Variants in TSPAN15 observed in about 807,000 individuals in gnomAD.
TSPAN15 encodes tetraspanin 15, also known as tetraspanin-15.
TSPAN15 carries 20 observed loss-of-function variants against 34.5 expected under a neutral mutation model. That is an observed-to-expected ratio of 0.58 (90% CI 0.41 to 0.84). TSPAN15 has a LOEUF of 0.84. Among genes scored for constraint, TSPAN15 ranks in the 40% least tolerant of loss-of-function variants. The pLI is 0.00. For synonymous variants in TSPAN15, 155 were observed against 153.9 expected (o/e 1.01, Z -0.05); for missense variants, 313 against 386.1 (o/e 0.81, Z 1.59).
chr10:69,479,123 C>T (rs1419161663), intron 1 of TSPAN15, among the ~76,000 whole-genome samples: 8 of 152,210 alleles, frequency 5.3e-5, no homozygotes, highest in African/African-American at 9.7e-5. Context: ...GCCTATAGAA[C>T]GTAATACAGG....
At chr10:69,466,622 T>C (rs10823390) in intron 1 of TSPAN15, among the ~76,000 whole-genome samples, 60,612 of 152,012 alleles carry the variant, frequency 0.4, 12,593 homozygotes, top group Non-Finnish European at 0.45. Flanking sequence ...CTGGCCAACC[T>C]GACCACGTGG....
At chr10:69,539,991 G>C in the TSPAN15 span, among the ~76,000 whole-genome samples, 31 of 150,622 alleles carry the variant, frequency 2.1e-4, no homozygotes, top group Non-Finnish European at 1.6e-4. Flanking sequence ...GAGTCTCACT[G>C]TCACCCAGGC....
At chr10:69,480,825 G>C (rs1040220918) in intron 1 of TSPAN15, among the ~76,000 whole-genome samples, 1 of 152,158 alleles carries the variant, frequency 6.6e-6, no homozygotes, top group Admixed American at 6.5e-5. Flanking sequence ...AGCTTCCCAA[G>C]TAGCTGGGAT....
chr10:69,513,183 T>C, the TSPAN15 span, among the ~76,000 whole-genome samples: 1 of 152,224 alleles, frequency 6.6e-6, no homozygotes, highest in Non-Finnish European at 1.5e-5. Flanking sequence ...AATAATCATG[T>C]TGAGTACTTT....
chr10:69,471,220 G>C (rs1841498029), intron 1 of TSPAN15, among the ~76,000 whole-genome samples: 1 of 151,772 alleles, frequency 6.6e-6, no homozygotes, highest in Non-Finnish European at 1.5e-5. Flanking sequence ...TCTTAAAATA[G>C]TAGCTCCCAA....
chr10:69,502,783 AGTTGCCTGT>A (rs1842237699), intron 5 of TSPAN15, among the ~76,000 whole-genome samples: 1 of 152,120 alleles, frequency 6.6e-6, no homozygotes, highest in African/African-American at 2.4e-5. Context: ...GGCCTCTGCC[AGTTGCCTGT>A]GTGCTAAGAG....
intron 5 of TSPAN15, among the ~76,000 whole-genome samples, chr10:69,503,668 G>A (rs7078095): frequency 0.061 from 9,220 of 152,128 alleles, 345 homozygotes; most frequent in South Asian, 0.13. Flanking sequence ...TCACGGCAGC[G>A]TTCACTTACA....
At chr10:69,519,033 G>A in the TSPAN15 span, among the ~76,000 whole-genome samples, 2 of 152,218 alleles carry the variant, frequency 1.3e-5, no homozygotes, top group African/African-American at 4.8e-5. Flanking sequence ...GCTTCTGCGT[G>A]GAATAGTATA....
intron 1 of TSPAN15, among the ~76,000 whole-genome samples, chr10:69,474,958 C>T (rs545123788): frequency 3.3e-5 from 5 of 152,206 alleles, no homozygotes; most frequent in South Asian, 4.2e-4. Context: ...GGGGCCTGGC[C>T]GGAGGTCCAC....
At chr10:69,486,342 C>T (rs755850312) in intron 3 of TSPAN15, among the ~76,000 whole-genome samples, 2 of 152,210 alleles carry the variant, frequency 1.3e-5, no homozygotes, top group Non-Finnish European at 2.9e-5. Context: ...GGCCTGTACC[C>T]CTCCCTACCC....
the TSPAN15 span, among the ~76,000 whole-genome samples, chr10:69,526,591 C>T: frequency 0.14 from 20,137 of 147,248 alleles, 3,238 homozygotes; most frequent in East Asian, 0.25. Flanking sequence ...CCCAGGAATT[C>T]GAGACCAGCA....
intron 3 of TSPAN15, among the ~76,000 whole-genome samples, chr10:69,492,515 A>G (rs568287936): frequency 3.9e-5 from 6 of 152,298 alleles, no homozygotes; most frequent in African/African-American, 1.4e-4. Flanking sequence ...CTGTCCATGA[A>G]GCCCAGGGAC....
chr10:69,535,363 A>G, the TSPAN15 span, among the ~76,000 whole-genome samples: 1 of 152,188 alleles, frequency 6.6e-6, no homozygotes, highest in East Asian at 1.9e-4. Context: ...CAATGAGGGT[A>G]ATAATTATAA....
the TSPAN15 span, among the ~76,000 whole-genome samples, chr10:69,546,918 A>G: frequency 6.6e-6 from 1 of 152,150 alleles, no homozygotes; most frequent in Non-Finnish European, 1.5e-5. Flanking sequence ...CTGAGGCAGG[A>G]GGATCACATG....
At chr10:69,454,056 C>T (rs1312374231) in intron 1 of TSPAN15, among the ~76,000 whole-genome samples, 5 of 152,146 alleles carry the variant, frequency 3.3e-5, no homozygotes, top group Non-Finnish European at 7.3e-5. Flanking sequence ...TACAGGAAAG[C>T]CTATTATCTC....
chr10:69,504,823 C>T (rs1314751704), intron 6 of TSPAN15, among the ~76,000 whole-genome samples: 2 of 152,178 alleles, frequency 1.3e-5, no homozygotes, highest in East Asian at 3.9e-4. Context: ...CCTGGGGCCA[C>T]CTGGGACCCA....
intron 1 of TSPAN15, among the ~76,000 whole-genome samples, chr10:69,454,539 A>G (rs982162759): frequency 1.3e-5 from 2 of 151,868 alleles, no homozygotes; most frequent in African/African-American, 2.4e-5. Flanking sequence ...ACTATTGACC[A>G]GGCATTGTGG....
chr10:69,508,151 A>C (rs1334782973), downstream of TSPAN15, among the ~76,000 whole-genome samples: 1 of 152,128 alleles, frequency 6.6e-6, no homozygotes, highest in Non-Finnish European at 1.5e-5. Context: ...AATAGAAATA[A>C]AGTAGCAAGA....
In TSPAN15 at chr10:69,494,674, C is replaced by T. The variant is rs1842039541; in HGVS notation, c.358-920C>T. ...AGTAAGCCGCGATGGGGCCTGGAAC[C>T]AGGATCCTGTTGTCCCAGCGTACGC... On this transcript the variant is annotated intron_variant, in intron 3 of 7. Coordinates refer to ENST00000373290, the MANE Select transcript of TSPAN15 (RefSeq NM_012339.5). The T allele has an allele frequency of 3.0e-6, 3 of 985,446 alleles. No individual in the cohort carries two copies. The African/African-American group carries it at 5.2e-5, about 17-fold the overall frequency. 61.0% of individuals were successfully genotyped at this position (985,446 alleles called of 1,614,324 possible).
Sources: allele counts gnomAD v4.1 joint callset (sites outside exome capture counted in the v4.1 genomes callset), GRCh38; gene constraint gnomAD v4.1.1; transcripts MANE v1.5; gene names NCBI Gene and HGNC (gene_info 2026-07-23, HGNC 2026-07-21).